Variants in DLG1 observed in about 807,000 individuals in gnomAD.
DLG1 encodes the protein discs large MAGUK scaffold protein 1.
A neutral mutation model predicts 123.4 loss-of-function variants in DLG1; 42 were observed. The ratio of observed to expected loss-of-function variants is 0.34; its 90% confidence interval spans 0.27 to 0.44. DLG1 has a LOEUF of 0.44. Ranked by LOEUF, DLG1 falls within the 20% of genes least tolerant of loss-of-function variation. The pLI, the probability that DLG1 is intolerant of heterozygous loss-of-function variation, is 1.00. For missense variants in DLG1, 942 were observed against 1,082.6 expected (o/e 0.87, Z 1.82); for synonymous variants, 317 against 356.2 (o/e 0.89, Z 1.24).
intron 5 of DLG1, among the ~76,000 whole-genome samples, chr3:197,175,159 G>A (rs1455056512): frequency 6.6e-6 from 1 of 152,170 alleles, no homozygotes; most frequent in Non-Finnish European, 1.5e-5. Flanking sequence ...ATTTGCATAC[G>A]CCTGTTAAAA....
rs114518739 is a variant in DLG1, at chr3:197,219,862, G to A, written c.319-25273C>T. Among the ~76,000 whole-genome samples the A allele has an allele frequency of 2.1e-3, 327 of 152,260 alleles. 2 individuals are homozygous for A. Among genetic ancestry groups the A allele is most frequent in the African/African-American group, 7.6e-3 (314 of 41,546 alleles). On this transcript the variant is annotated intron_variant, in intron 4 of 24. Transcript: ENST00000667157. ...CAGAGGAAAGGCCTTGGGAAATCTC[G>A]CCGGCACTTTGAGCTTGGACTTTCA...
intron 4 of DLG1, among the ~76,000 whole-genome samples, chr3:197,274,195 C>A (rs1048089720): frequency 6.6e-6 from 1 of 152,136 alleles, no homozygotes; most frequent in African/African-American, 2.4e-5. Context: ...CATTACCTGA[C>A]CTACTACAAA....
intron 24 of DLG1, among the ~76,000 whole-genome samples, chr3:197,046,824 C>T (rs367768905): frequency 9.2e-5 from 14 of 151,920 alleles, no homozygotes; most frequent in South Asian, 8.3e-4. Flanking sequence ...GAACTGAGAT[C>T]GCACCATTGC....
chr3:197,235,941 C>T (rs932000286), intron 4 of DLG1, among the ~76,000 whole-genome samples: 15 of 152,102 alleles, frequency 9.9e-5, no homozygotes, highest in South Asian at 6.2e-4. Flanking sequence ...TAAAAACATA[C>T]CAAATGGAAT....
At chr3:197,138,465 T>C (rs1461617563) in intron 8 of DLG1, 74 bp from the exon 9 acceptor site, 24 of 756,738 alleles carry the variant, frequency 3.2e-5, no homozygotes, top group Non-Finnish European at 3.7e-5. Context: ...TTACCAATTT[T>C]TTGTTACTTC....
At chr3:197,103,770 GAATA>G (rs912917039) in intron 14 of DLG1, among the ~76,000 whole-genome samples, 18 of 150,426 alleles carry the variant, frequency 1.2e-4, no homozygotes, top group Non-Finnish European at 2.5e-4. Flanking sequence ...CTTCAAAAAA[GAATA>G]AATGTAATTA....
chr3:197,294,435 A>G (rs538920351), intron 3 of DLG1, among the ~76,000 whole-genome samples: 8 of 152,290 alleles, frequency 5.3e-5, no homozygotes, highest in African/African-American at 1.9e-4. Flanking sequence ...TCACGAGGTC[A>G]GGAGATCGAG....
At chr3:197,148,583 G>T (rs1037315818) in intron 6 of DLG1, among the ~76,000 whole-genome samples, 5 of 152,064 alleles carry the variant, frequency 3.3e-5, no homozygotes, top group African/African-American at 1.2e-4. Flanking sequence ...CATTCAATGC[G>T]GAAAGAATAG....
chr3:197,082,156 G>A (rs1478338786), intron 16 of DLG1, among the ~76,000 whole-genome samples: 1 of 152,142 alleles, frequency 6.6e-6, no homozygotes, highest in Non-Finnish European at 1.5e-5. Flanking sequence ...TGGATCACAA[G>A]GTCAGGAGTT....
chr3:197,194,648 A>G, intron 4 of DLG1, 59 bp from the exon 5 acceptor site: 1 of 1,289,498 alleles, frequency 7.8e-7, no homozygotes, highest in Non-Finnish European at 1.1e-6. Context: ...AATTCAAATC[A>G]TGGTTTTCAT....
At chr3:197,053,808 G>A (rs1370400268) in intron 23 of DLG1, among the ~76,000 whole-genome samples, 1 of 148,356 alleles carries the variant, frequency 6.7e-6, no homozygotes, top group Admixed American at 6.8e-5. Context: ...GCTGATTGCT[G>A]GGCAAGGTGG....
intron 23 of DLG1, among the ~76,000 whole-genome samples, chr3:197,058,429 G>A (rs896149963): frequency 1.3e-5 from 2 of 151,636 alleles, no homozygotes. Context: ...ACTCTACTTG[G>A]CAATTCACTA....
intron 4 of DLG1, among the ~76,000 whole-genome samples, chr3:197,207,149 G>A (rs947075066): frequency 2.4e-4 from 37 of 152,312 alleles, no homozygotes; most frequent in African/African-American, 8.4e-4. Context: ...GGTCCTTTAC[G>A]CAAAGTTTGC....
At position 197,282,671 on chromosome 3, in the gene DLG1, T is replaced by A; in HGVS notation, c.318+8A>T. 6.6e-7 allele frequency: 1 copy of A among 1,515,094 alleles called. No homozygotes were observed. Among genetic ancestry groups the A allele is most frequent in the Non-Finnish European group, 8.8e-7 (1 of 1,136,276 alleles). The allele number at this position is 1,515,094 out of a possible 1,614,324, so 93.9% of individuals were successfully genotyped here. A position where few individuals can be genotyped will look rare whatever the true frequency, so the allele number is the denominator to read the frequency against. On this transcript the variant is annotated splice_region_variant and intron_variant, in intron 4 of 24. Transcript: ENST00000667157. ...AAAAACAGCTTCAGAACACATTTTTTATCTCACCTCTACACTAGGGCTAAG... is the reference window on the plus strand; with the variant it reads ...AAAAACAGCTTCAGAACACATTTTTAATCTCACCTCTACACTAGGGCTAAG...
chr3:197,280,093 T>C (rs563660684), intron 4 of DLG1, among the ~76,000 whole-genome samples: 6 of 152,218 alleles, frequency 3.9e-5, no homozygotes, highest in South Asian at 4.1e-4. Flanking sequence ...GTATTCCTTC[T>C]AACTATTTTT....
chr3:197,207,975 C>T lies in DLG1; in HGVS notation c.319-13386G>A, dbSNP rs957683352. ...CTAGAAGTCAAAACGTTAAAAAATACGAAAAAAAATTGTAACTTAAATCCA... is the reference window on the plus strand; with the variant it reads ...CTAGAAGTCAAAACGTTAAAAAATATGAAAAAAAATTGTAACTTAAATCCA... On this transcript the variant is annotated intron_variant, in intron 4 of 24. Transcript: ENST00000667157. Among the ~76,000 whole-genome samples, 10 of 143,484 alleles carry T rather than the reference C, an allele frequency of 7.0e-5. 2 individuals are homozygous for T. Among genetic ancestry groups the T allele is most frequent in the African/African-American group, 1.2e-4 (5 of 40,544 alleles). 94.1% of individuals were successfully genotyped at this position (143,484 alleles called of 152,430 possible). A position where few individuals can be genotyped will look rare whatever the true frequency, so the allele number is the denominator to read the frequency against.
intron 4 of DLG1, among the ~76,000 whole-genome samples, chr3:197,254,985 G>A (rs1187851178): frequency 6.6e-6 from 1 of 152,088 alleles, no homozygotes; most frequent in Non-Finnish European, 1.5e-5. Context: ...GAACCTGGAA[G>A]GTGGAGGTTG....
intron 11 of DLG1, among the ~76,000 whole-genome samples, chr3:197,124,140 AG>A (rs1777807826): frequency 3.9e-5 from 6 of 152,286 alleles, no homozygotes; most frequent in African/African-American, 1.4e-4. Context: ...CTGATGTGGG[AG>A]GATGGCCTGA....
At chr3:197,232,155 A>G (rs1743496307) in intron 4 of DLG1, among the ~76,000 whole-genome samples, 1 of 152,176 alleles carries the variant, frequency 6.6e-6, no homozygotes. Context: ...AGCTATTTGG[A>G]TTGCCACTCT....
Sources: gnomAD v4.1 joint callset for allele counts (sites outside exome capture counted in the v4.1 genomes callset) on GRCh38, gnomAD v4.1.1 for gene constraint, MANE v1.5 for transcripts, NCBI Gene and HGNC (gene_info 2026-07-23, HGNC 2026-07-21) for gene names.